NDRG3: variants seen among roughly 807,000 people sequenced by gnomAD.
NDRG3 encodes protein NDRG3.
In NDRG3, 23 loss-of-function variants were observed where a neutral mutation model predicts 57.2. The ratio of observed to expected loss-of-function variants is 0.40; its 90% CI spans 0.29 to 0.57. The LOEUF (loss-of-function observed/expected upper bound fraction) is 0.57. Ranked by LOEUF, NDRG3 falls within the 20% of genes least tolerant of loss-of-function variation. NDRG3 has a pLI of 0.42. For synonymous variants in NDRG3, 132 were observed against 162.6 expected (o/e 0.81, Z 1.43); for missense variants, 384 against 457.3 (o/e 0.84, Z 1.46).
intron 1 of NDRG3, among the ~76,000 whole-genome samples, chr20:36,734,679 T>A (rs1179138782): frequency 1.3e-5 from 2 of 151,974 alleles, no homozygotes; most frequent in African/African-American, 2.4e-5. Context: ...GCCAGATGAT[T>A]TTTTGTTGTG....
intron 1 of NDRG3, among the ~76,000 whole-genome samples, chr20:36,739,835 G>A (rs1179784895): frequency 6.6e-6 from 1 of 150,824 alleles, no homozygotes; most frequent in African/African-American, 2.4e-5. Context: ...GCGTGAACCT[G>A]GTAGGCGGAG....
chr20:36,674,595 CTTT>C (rs561643631), intron 8 of NDRG3, among the ~76,000 whole-genome samples: 11 of 116,770 alleles, frequency 9.4e-5, no homozygotes, highest in Admixed American at 9.1e-5. Flanking sequence ...ATCAATAAAG[CTTT>C]TTTTTTTTTT....
At chr20:36,692,522 C>T (rs1982353755) in intron 3 of NDRG3, among the ~76,000 whole-genome samples, 1 of 152,146 alleles carries the variant, frequency 6.6e-6, no homozygotes, top group Admixed American at 6.5e-5. Flanking sequence ...CCGTGCCCCA[C>T]AAGAATCAAC....
At chr20:36,712,578 TATATATA>T (rs1189337026) in intron 2 of NDRG3, among the ~76,000 whole-genome samples, 1 of 23,862 alleles carries the variant, frequency 4.2e-5, no homozygotes, top group African/African-American at 1.4e-4. Context: ...TATATATATA[TATATATA>T]TATTTTTTTT....
At chr20:36,656,217 T>C in intron 15 of NDRG3, 143 bp downstream of exon 15, 1 of 659,742 alleles carries the variant, frequency 1.5e-6, no homozygotes, top group Admixed American at 3.0e-5. Context: ...GACAAATGAA[T>C]GTTCCATAAA....
chr20:36,684,424 A>T lies in NDRG3; in HGVS notation c.372T>A (p.Leu124=). Residue 124 remains leucine, a synonymous_variant, in exon 6 of 16, where the codon CTT becomes CTA. Transcript: ENST00000349004. ...DELAEMLPPV[L]THLSLKSIIG... ...CAGAATGAACCTACCTTAGGTGGGT[A>T]AGAACAGGAGGCAGCATTTCAGCCA... 2 of 1,614,058 alleles carry T rather than the reference A, an allele frequency of 1.2e-6. No homozygotes were observed. Among genetic ancestry groups the T allele is most frequent in the Non-Finnish European group, 1.7e-6 (2 of 1,179,900 alleles).
intron 12 of NDRG3, among the ~76,000 whole-genome samples, chr20:36,663,333 A>G (rs1979361028): frequency 6.6e-6 from 1 of 152,178 alleles, no homozygotes; most frequent in Admixed American, 6.6e-5. Context: ...AACCTTCTCA[A>G]CTATGTCTAC....
At chr20:36,667,542 T>C in intron 9 of NDRG3, among the ~76,000 whole-genome samples, 1 of 152,212 alleles carries the variant, frequency 6.6e-6, no homozygotes. Context: ...CACCCACTGT[T>C]TAATGGTCAC....
chr20:36,677,426 C>G (rs1447168200), intron 8 of NDRG3, among the ~76,000 whole-genome samples: 1 of 152,216 alleles, frequency 6.6e-6, no homozygotes, highest in East Asian at 1.9e-4. Context: ...CCATGGCCGC[C>G]CATGGGCCAA....
At chr20:36,668,682 A>G (rs1979844434) in intron 9 of NDRG3, 1 of 152,072 alleles carries the variant, frequency 6.6e-6, no homozygotes, top group Admixed American at 6.6e-5. Flanking sequence ...GGATGCTTAA[A>G]TTTTAAATGA....
At chr20:36,694,638 G>A (rs1224400561) in intron 3 of NDRG3, among the ~76,000 whole-genome samples, 1 of 152,098 alleles carries the variant, frequency 6.6e-6, no homozygotes. Context: ...TCTCTGTAAT[G>A]ATCCTTCATT....
chr20:36,730,271 T>C (rs1985199649), intron 1 of NDRG3, among the ~76,000 whole-genome samples: 1 of 151,314 alleles, frequency 6.6e-6, no homozygotes, highest in Admixed American at 6.6e-5. Flanking sequence ...AATTGTTTTT[T>C]TGGAGACAGG....
At chr20:36,710,675 C>G (rs888185970) in intron 2 of NDRG3, among the ~76,000 whole-genome samples, 1 of 151,886 alleles carries the variant, frequency 6.6e-6, no homozygotes, top group African/African-American at 2.4e-5. Flanking sequence ...GGCATGGTGG[C>G]ACGTGCCTGT....
intron 12 of NDRG3, among the ~76,000 whole-genome samples, chr20:36,662,097 A>T (rs940289817): frequency 3.9e-5 from 6 of 152,170 alleles, no homozygotes; most frequent in African/African-American, 1.4e-4. Flanking sequence ...TATTTTCTGG[A>T]AGAGTGAACT....
chr20:36,744,974 G>T lies in NDRG3; in HGVS notation c.-49+1071C>A, dbSNP rs1429638598. Among the ~76,000 whole-genome samples the T allele has an allele frequency of 1.1e-4, 16 of 151,384 alleles. 1 individual carries two copies. The highest frequency in any genetic ancestry group is 7.4e-5 in the Non-Finnish European group (5 of 67,796). On this transcript the variant is annotated intron_variant, in intron 1 of 15. Coordinates refer to ENST00000349004, the MANE Select transcript of NDRG3 (RefSeq NM_032013.4). ...CCCCTGAGGGCCAGGGTAAGGGGGG[G>T]GGGGGGCGCGGCGGGGGTGATCTGG...
At chr20:36,715,771 C>T (rs1190378069) in intron 2 of NDRG3, among the ~76,000 whole-genome samples, 1 of 151,830 alleles carries the variant, frequency 6.6e-6, no homozygotes, top group African/African-American at 2.4e-5. Flanking sequence ...GTAGAGACTG[C>T]AGCAAGCCAT....
chr20:36,697,727 T>C (rs114010645), intron 3 of NDRG3, among the ~76,000 whole-genome samples: 4,257 of 151,232 alleles, frequency 0.028, 241 homozygotes, highest in African/African-American at 0.099. Flanking sequence ...AAAAAAAAGA[T>C]TTAATACTGC....
chr20:36,701,415 T>C (rs1053942217), intron 3 of NDRG3, among the ~76,000 whole-genome samples: 1 of 151,972 alleles, frequency 6.6e-6, no homozygotes, highest in African/African-American at 2.4e-5. Flanking sequence ...CACGGTGGCA[T>C]GTGCCTGTAG....
At chr20:36,708,456 C>T (rs371652129) in intron 2 of NDRG3, among the ~76,000 whole-genome samples, 2 of 151,994 alleles carry the variant, frequency 1.3e-5, no homozygotes, top group East Asian at 3.9e-4. Context: ...TTGAGACCAG[C>T]CTGGCCAACA....
Sources: allele counts gnomAD v4.1 joint callset (sites outside exome capture counted in the v4.1 genomes callset), GRCh38; gene constraint gnomAD v4.1.1; transcripts MANE v1.5; gene names NCBI Gene and HGNC (gene_info 2026-07-23, HGNC 2026-07-21).